Variants in KCNH7 observed in about 807,000 individuals in gnomAD.
KCNH7 encodes voltage-gated inwardly rectifying potassium channel KCNH7.
A neutral mutation model predicts 120.8 loss-of-function variants in KCNH7; 49 were observed. The observed-to-expected ratio is 0.41, with a 90% CI of 0.32 to 0.51. The LOEUF (loss-of-function observed/expected upper bound fraction) is 0.51, where lower values mean the gene tolerates loss of function less well. KCNH7 is among the 20% of genes least tolerant of loss of function. The pLI is 0.38. For synonymous variants in KCNH7, 547 were observed against 516.1 expected, an observed-to-expected ratio of 1.06 and a Z score of -0.81; for missense variants, 1,097 against 1,446.6, an observed-to-expected ratio of 0.76 and a Z score of 3.92.
intron 2 of KCNH7, among the ~76,000 whole-genome samples, chr2:162,554,098 C>T (rs535979106): frequency 6.6e-6 from 1 of 152,060 alleles, no homozygotes; most frequent in South Asian, 2.1e-4. Flanking sequence ...AGAAAATGAC[C>T]CCTGTGGCTC....
intron 2 of KCNH7, among the ~76,000 whole-genome samples, chr2:162,726,366 T>C (rs1239215243): frequency 2.0e-5 from 3 of 152,186 alleles, no homozygotes. Flanking sequence ...TTTACAAGTA[T>C]TATTATAAAC....
intron 2 of KCNH7, among the ~76,000 whole-genome samples, chr2:162,802,354 G>A (rs1042457562): frequency 3.3e-5 from 5 of 151,656 alleles, no homozygotes; most frequent in African/African-American, 1.2e-4. Flanking sequence ...TAGTTGTTAG[G>A]ATTAAACTCC....
chr2:162,588,713 C>T (rs546262426), intron 2 of KCNH7, among the ~76,000 whole-genome samples: 2 of 152,148 alleles, frequency 1.3e-5, no homozygotes, highest in East Asian at 3.9e-4. Context: ...TCAACATCTA[C>T]CACTTCTTCA....
intron 2 of KCNH7, among the ~76,000 whole-genome samples, chr2:162,806,397 C>A (rs1684540449): frequency 6.6e-6 from 1 of 152,028 alleles, no homozygotes; most frequent in African/African-American, 2.4e-5. Flanking sequence ...TGAGTTTTTA[C>A]TATGTGCTCT....
intron 2 of KCNH7, among the ~76,000 whole-genome samples, chr2:162,611,628 C>T (rs1682967079): frequency 6.6e-6 from 1 of 152,116 alleles, no homozygotes; most frequent in African/African-American, 2.4e-5. Flanking sequence ...GCCCATGAGG[C>T]TATGGGAAGA....
intron 2 of KCNH7, among the ~76,000 whole-genome samples, chr2:162,545,703 C>T (rs1047413761): frequency 6.6e-6 from 1 of 151,990 alleles, no homozygotes; most frequent in Non-Finnish European, 1.5e-5. Flanking sequence ...TTTTCACATC[C>T]CAGGACCAAT....
At chr2:162,723,166 G>C (rs1216938822) in intron 2 of KCNH7, among the ~76,000 whole-genome samples, 4 of 151,092 alleles carry the variant, frequency 2.6e-5, no homozygotes, top group African/African-American at 9.7e-5. Flanking sequence ...CTGTTCCTTT[G>C]GGCCATAATT....
intron 2 of KCNH7, among the ~76,000 whole-genome samples, chr2:162,765,907 C>T (rs1432524781): frequency 2.0e-5 from 3 of 152,036 alleles, no homozygotes; most frequent in African/African-American, 7.2e-5. Flanking sequence ...CCATGCCCCA[C>T]CAAGCCAGTT....
Position 162,576,910 on chromosome 2 carries a change from A to C in KCNH7, c.308-39830T>G, listed in dbSNP as rs527423434. Reference sequence around the variant, plus strand: ...GCAATTTCTATTCTTTTTCTTCTTTATTTATTTATTTATTTATTGGAGACA... The same window carrying C: ...GCAATTTCTATTCTTTTTCTTCTTTCTTTATTTATTTATTTATTGGAGACA... On this transcript the variant is annotated intron_variant, in intron 2 of 15. Transcript: ENST00000332142. Among the ~76,000 whole-genome samples the C allele has an allele frequency of 1.1e-3, 160 of 151,526 alleles. 2 individuals are homozygous for C. The South Asian group carries it at 0.014, about 13-fold the overall frequency.
intron 2 of KCNH7, among the ~76,000 whole-genome samples, chr2:162,577,783 C>G (rs1693739103): frequency 6.6e-6 from 1 of 152,016 alleles, no homozygotes; most frequent in Non-Finnish European, 1.5e-5. Flanking sequence ...ATAGAGTGAA[C>G]TTGCTTACTC....
rs565514052 is a variant in KCNH7 at position 162,760,837 on chromosome 2, G to A, written c.307+75700C>T. Among the ~76,000 whole-genome samples the A allele has an allele frequency of 4.6e-5, 7 of 152,144 alleles. No individual in the cohort carries two copies. In the East Asian group the frequency reaches 7.7e-4, roughly 17 times the overall value. On this transcript the variant is annotated intron_variant, in intron 2 of 15. Coordinates refer to ENST00000332142, the MANE Select transcript of KCNH7 (RefSeq NM_033272.4). ...AAATATGGTCTTTTGAACAGCACAC[G>A]TAAGATTTCTCTAGATAATGCATTC...
intron 4 of KCNH7, among the ~76,000 whole-genome samples, chr2:162,516,466 A>G (rs1450940192): frequency 6.6e-6 from 1 of 151,736 alleles, no homozygotes; most frequent in Non-Finnish European, 1.5e-5. Context: ...AAGGCAAATT[A>G]TATCTGTGCA....
At chr2:162,496,217 G>T (rs1690493198) in intron 6 of KCNH7, among the ~76,000 whole-genome samples, 1 of 152,086 alleles carries the variant, frequency 6.6e-6, no homozygotes, top group Non-Finnish European at 1.5e-5. Flanking sequence ...ACAGCCGTTG[G>T]GGGTCTCCAC....
intron 2 of KCNH7, among the ~76,000 whole-genome samples, chr2:162,593,779 T>C (rs1694290011): frequency 6.6e-6 from 1 of 152,044 alleles, no homozygotes; most frequent in South Asian, 2.1e-4. Flanking sequence ...ACCATTTTGG[T>C]TTCTACAGCT....
intron 11 of KCNH7, among the ~76,000 whole-genome samples, chr2:162,396,478 T>C (rs1249522852): frequency 6.6e-6 from 1 of 151,814 alleles, no homozygotes; most frequent in Non-Finnish European, 1.5e-5. Flanking sequence ...CTATTTTAAC[T>C]CAAGTGTGGC....
chr2:162,407,662 T>C (rs896853301), intron 9 of KCNH7, among the ~76,000 whole-genome samples: 2 of 152,060 alleles, frequency 1.3e-5, no homozygotes, highest in East Asian at 3.9e-4. Context: ...GGGATCTGCA[T>C]CCTGAGGAGC....
At chr2:162,595,893 A>G (rs1388265059) in intron 2 of KCNH7, among the ~76,000 whole-genome samples, 1 of 152,072 alleles carries the variant, frequency 6.6e-6, no homozygotes, top group African/African-American at 2.4e-5. Context: ...TCAATAAATC[A>G]ATAGCATTTT....
At chr2:162,630,956 G>T (rs1443530521) in intron 2 of KCNH7, among the ~76,000 whole-genome samples, 3 of 151,938 alleles carry the variant, frequency 2.0e-5, no homozygotes, top group Non-Finnish European at 4.4e-5. Context: ...TGGCTGCTGT[G>T]GTTCTGAGGT....
At chr2:162,723,358 T>C (rs998353089) in intron 2 of KCNH7, among the ~76,000 whole-genome samples, 5 of 152,110 alleles carry the variant, frequency 3.3e-5, no homozygotes, top group Non-Finnish European at 1.5e-5. Context: ...TCTGGAGTTG[T>C]GCATGTACAT....
Sources: allele counts gnomAD v4.1 joint callset (sites outside exome capture counted in the v4.1 genomes callset), GRCh38; gene constraint gnomAD v4.1.1; transcripts MANE v1.5; gene names NCBI Gene and HGNC (gene_info 2026-07-23, HGNC 2026-07-21).